KYAT3: variants seen among roughly 807,000 people sequenced by gnomAD.
KYAT3 encodes kynurenine--oxoglutarate transaminase 3.
KYAT3 carries 50 observed loss-of-function variants against 59.0 expected under a neutral mutation model. That is an observed-to-expected ratio of 0.85 (90% CI 0.68 to 1.07). The LOEUF is 1.07. Among genes scored for constraint, KYAT3 ranks in the 50% least tolerant of loss-of-function variants. KYAT3 has a pLI of 0.00. For missense variants in KYAT3, 497 were observed against 533.3 expected (o/e 0.93, Z 0.67); for synonymous variants, 148 against 177.0 (o/e 0.84, Z 1.30).
chr1:88,951,256 CG>C (rs1675660831), intron 10 of KYAT3, among the ~76,000 whole-genome samples: 1 of 147,324 alleles, frequency 6.8e-6, no homozygotes, highest in Admixed American at 6.8e-5. Flanking sequence ...TTTTTTGAGA[CG>C]AAGTCTTGCT....
downstream of KYAT3, among the ~76,000 whole-genome samples, chr1:88,931,880 C>CAAAAAAA (rs57089214): frequency 7.2e-3 from 223 of 30,974 alleles, 72 homozygotes; most frequent in East Asian, 0.014. Context: ...CCTGCAACTG[C>CAAAAAAA]AAAAAAAAAA....
At position 88,941,943 on chromosome 1, in the gene KYAT3, C is replaced by T. The variant is rs558389142; in HGVS notation, c.1302+1062G>A. Among the ~76,000 whole-genome samples the T allele has an allele frequency of 2.6e-5, 4 of 152,292 alleles. No individual in the cohort carries two copies. In the South Asian group the frequency reaches 6.2e-4, roughly 24 times the overall value. The stretch of plus-strand genomic sequence containing the variant: ...TATTTATCCTGTTGTATTTCATTGA[C>T]CTTTTTAGACATAAGTTGCTTTTCA... On this transcript the variant is annotated intron_variant, in intron 13 of 13. Transcript: ENST00000260508.
the KYAT3 span, among the ~76,000 whole-genome samples, chr1:88,925,770 G>A: frequency 6.6e-6 from 1 of 151,988 alleles, no homozygotes; most frequent in African/African-American, 2.4e-5. Flanking sequence ...GAGATAAAGA[G>A]GGAGTCAAAG....
At chr1:88,969,268 C>T (rs1676459992) in intron 3 of KYAT3, 141 bp downstream of exon 3, 1 of 659,850 alleles carries the variant, frequency 1.5e-6, no homozygotes, top group South Asian at 1.7e-5. Flanking sequence ...TTGCTAACTT[C>T]CTTCCATTTT....
chr1:88,961,162 G>A lies in KYAT3; in HGVS notation c.787+5C>T. On this transcript the variant is annotated splice_donor_5th_base_variant and intron_variant, in intron 8 of 13. Coordinates refer to ENST00000260508, the MANE Select transcript of KYAT3 (RefSeq NM_001008661.3). ...AGATATGTGACTCTGTGTTATAGTT[G>A]GTACCTATTTTTAAGTGCTTATTTC... 1 of 1,612,926 alleles carries A rather than the reference G, an allele frequency of 6.2e-7. No homozygotes were observed. The highest frequency in any genetic ancestry group is 8.5e-7 in the Non-Finnish European group (1 of 1,179,656).
chr1:88,953,884 TC>T (rs1675787231), intron 9 of KYAT3, among the ~76,000 whole-genome samples: 1 of 149,038 alleles, frequency 6.7e-6, no homozygotes, highest in African/African-American at 2.5e-5. Context: ...GTTTTGATGC[TC>T]CCTCCTTCTT....
chr1:88,971,237 A>G (rs990957183), intron 2 of KYAT3, among the ~76,000 whole-genome samples: 1 of 152,214 alleles, frequency 6.6e-6, no homozygotes, highest in Non-Finnish European at 1.5e-5. Context: ...CCAACTTTAA[A>G]TTATTTAGAT....
the KYAT3 span, among the ~76,000 whole-genome samples, chr1:88,926,197 C>T: frequency 1.6e-4 from 24 of 152,238 alleles, no homozygotes; most frequent in Non-Finnish European, 2.8e-4. Context: ...TGGGTCTATT[C>T]TGTTAGAAAA....
At chr1:88,961,951 T>C (rs1306284302) in intron 6 of KYAT3, 108 bp downstream of exon 6, 1 of 769,510 alleles carries the variant, frequency 1.3e-6, no homozygotes, top group Non-Finnish European at 2.2e-6. Flanking sequence ...ATACAGGAAA[T>C]CTCCAAATGC....
chr1:88,935,175 G>A (rs1485263718), downstream of KYAT3, among the ~76,000 whole-genome samples: 2 of 140,970 alleles, frequency 1.4e-5, no homozygotes, highest in Non-Finnish European at 3.1e-5. Context: ...TTTTTTTTTT[G>A]TATTTTTAGT....
intron 11 of KYAT3, among the ~76,000 whole-genome samples, chr1:88,947,522 A>G (rs1181894740): frequency 2.6e-5 from 4 of 152,202 alleles, no homozygotes; most frequent in Non-Finnish European, 5.9e-5. Flanking sequence ...GATGTCTGCC[A>G]GTATAAACCA....
rs527279196 is a variant in KYAT3, at chr1:88,974,948, C to T, written c.100-5481G>A. ...CAGGGCCAAATAAGGGAATAAAGGC[C>T]GGCCACGTGAGCCAGCAGGGGCAAC... On this transcript the variant is annotated intron_variant, in intron 2 of 13. Coordinates refer to ENST00000260508, the MANE Select transcript of KYAT3 (RefSeq NM_001008661.3). Among the ~76,000 whole-genome samples the T allele has an allele frequency of 9.9e-4, 151 of 152,154 alleles. 1 individual carries two copies. Among genetic ancestry groups the T allele is most frequent in the South Asian group, 4.2e-3 (20 of 4,810 alleles).
chr1:88,955,828 C>T (rs1415400997), intron 8 of KYAT3, among the ~76,000 whole-genome samples: 2 of 150,990 alleles, frequency 1.3e-5, no homozygotes, highest in African/African-American at 4.9e-5. Flanking sequence ...CATGTGTGCA[C>T]ATGTGTGTGT....
intron 10 of KYAT3, among the ~76,000 whole-genome samples, chr1:88,951,612 A>G (rs1675677928): frequency 1.3e-5 from 2 of 151,438 alleles, no homozygotes; most frequent in South Asian, 4.1e-4. Context: ...GATGGTAACT[A>G]AATCCCTATT....
At chr1:88,991,884 A>AGTTG (rs1677817736) in intron 1 of KYAT3, among the ~76,000 whole-genome samples, 1 of 152,088 alleles carries the variant, frequency 6.6e-6, no homozygotes, top group East Asian at 1.9e-4. Context: ...GCGCCACTCG[A>AGTTG]CTCCAAAAGC....
chr1:88,925,705 G>A, the KYAT3 span, among the ~76,000 whole-genome samples: 13 of 139,406 alleles, frequency 9.3e-5, no homozygotes, highest in African/African-American at 2.6e-4. Flanking sequence ...AGAGAGAGAT[G>A]GAGGAGAGAC....
rs569481004 is a variant in KYAT3 at position 88,935,902 on chromosome 1, G to A, written c.*281C>T. The stretch of plus-strand genomic sequence containing the variant: ...ATTCCTATTTTATAATGAGAGAACC[G>A]AGTTACTGAGAGGTTAAACATCTCA... On this transcript the variant is annotated 3_prime_UTR_variant, in exon 14 of 14. Transcript: ENST00000260508. 2.6e-4 allele frequency: 109 copies of A among 414,834 alleles called. No homozygotes were observed. The highest frequency in any genetic ancestry group is 8.0e-4 in the Admixed American group (20 of 24,936). 25.7% of individuals were successfully genotyped at this position (414,834 alleles called of 1,614,324 possible).
chr1:88,938,727 T>C (rs1441572973), intron 13 of KYAT3, among the ~76,000 whole-genome samples: 1 of 152,236 alleles, frequency 6.6e-6, no homozygotes, highest in Non-Finnish European at 1.5e-5. Context: ...CATTCTTTTT[T>C]ATGGCTGCAT....
At chr1:88,943,550 C>A in intron 11 of KYAT3, 127 bp from the exon 12 acceptor site, 1 of 634,174 alleles carries the variant, frequency 1.6e-6, no homozygotes. Flanking sequence ...TTTCTCAGAA[C>A]ATAGTCACAG....
Sources: gnomAD v4.1 joint callset for allele counts (sites outside exome capture counted in the v4.1 genomes callset) on GRCh38, gnomAD v4.1.1 for gene constraint, MANE v1.5 for transcripts, NCBI Gene and HGNC (gene_info 2026-07-23, HGNC 2026-07-21) for gene names.